ARHGAP12: variants seen among roughly 807,000 people sequenced by gnomAD.
The protein encoded by ARHGAP12 is Rho GTPase activating protein 12.
ARHGAP12 carries 64 observed loss-of-function variants against 108.6 expected under a neutral mutation model. The observed-to-expected ratio is 0.59, with a 90% CI of 0.48 to 0.73. ARHGAP12 has a LOEUF of 0.73. Ranked by LOEUF, ARHGAP12 falls within the 30% of genes least tolerant of loss-of-function variation. ARHGAP12 has a pLI of 0.00. For synonymous variants in ARHGAP12, 312 were observed against 337.2 expected (o/e 0.93, Z 0.82); for missense variants, 940 against 1,005.9 (o/e 0.93, Z 0.89).
At chr10:31,860,635 C>T (rs1258635619) in intron 4 of ARHGAP12, among the ~76,000 whole-genome samples, 1 of 152,006 alleles carries the variant, frequency 6.6e-6, no homozygotes, top group Non-Finnish European at 1.5e-5. Flanking sequence ...TAATTATTTC[C>T]CTCATATATA....
intron 3 of ARHGAP12, among the ~76,000 whole-genome samples, chr10:31,864,297 C>CA (rs1004453645): frequency 6.6e-6 from 1 of 151,738 alleles, no homozygotes; most frequent in Non-Finnish European, 1.5e-5. Context: ...ATATAACAAC[C>CA]AAAAAATCTC....
chr10:31,878,323 C>T (rs779698326), intron 3 of ARHGAP12, among the ~76,000 whole-genome samples: 11 of 152,178 alleles, frequency 7.2e-5, no homozygotes, highest in Non-Finnish European at 1.2e-4. Context: ...ACCGTTTACA[C>T]AGATTTTCAA....
intron 1 of ARHGAP12, among the ~76,000 whole-genome samples, chr10:31,915,928 A>C (rs944579905): frequency 2.3e-4 from 35 of 152,180 alleles, no homozygotes; most frequent in African/African-American, 7.5e-4. Flanking sequence ...TTACTTAAAA[A>C]CATAAGCTGT....
intron 1 of ARHGAP12, among the ~76,000 whole-genome samples, chr10:31,915,152 CG>C (rs2132476236): frequency 6.6e-6 from 1 of 152,188 alleles, no homozygotes; most frequent in South Asian, 2.1e-4. Flanking sequence ...TTTGGGAGAC[CG>C]GGGCGTGCAG....
chr10:31,917,023 T>C (rs1279308868), intron 1 of ARHGAP12, among the ~76,000 whole-genome samples: 4 of 152,356 alleles, frequency 2.6e-5, no homozygotes, highest in Non-Finnish European at 4.4e-5. Flanking sequence ...TAATATAGCT[T>C]CAAACATATA....
chr10:31,813,010 A>G (rs904159215), intron 14 of ARHGAP12, among the ~76,000 whole-genome samples, 187 bp from the exon 15 acceptor site: 3 of 152,164 alleles, frequency 2.0e-5, no homozygotes, highest in African/African-American at 7.2e-5. Context: ...CCCCATTTCA[A>G]AGTTATAAAC....
At chr10:31,912,023 C>G (rs568474159) in intron 1 of ARHGAP12, among the ~76,000 whole-genome samples, 1 of 152,320 alleles carries the variant, frequency 6.6e-6, no homozygotes, top group African/African-American at 2.4e-5. Context: ...GCCAAATATG[C>G]TCACCCCATG....
At chr10:31,898,197 A>G (rs943612501) in intron 3 of ARHGAP12, among the ~76,000 whole-genome samples, 1 of 152,168 alleles carries the variant, frequency 6.6e-6, no homozygotes, top group Non-Finnish European at 1.5e-5. Flanking sequence ...TACCTAAACT[A>G]TATAACGAAT....
intron 3 of ARHGAP12, among the ~76,000 whole-genome samples, chr10:31,907,257 G>A (rs761978663): frequency 2.6e-5 from 4 of 151,664 alleles, no homozygotes; most frequent in African/African-American, 7.3e-5. Context: ...TCAATTTCAC[G>A]TATGTACTTT....
intron 12 of ARHGAP12, among the ~76,000 whole-genome samples, chr10:31,819,335 T>C (rs1451561378): frequency 6.6e-6 from 1 of 152,072 alleles, no homozygotes; most frequent in Non-Finnish European, 1.5e-5. Context: ...CCAATCTGTC[T>C]ACACAACACA....
chr10:31,861,990 T>G (rs750906321), intron 3 of ARHGAP12, among the ~76,000 whole-genome samples: 2 of 152,206 alleles, frequency 1.3e-5, no homozygotes, highest in Non-Finnish European at 2.9e-5. Flanking sequence ...TCTTTGAAAG[T>G]GAAATTTTTT....
At chr10:31,905,561 A>C (rs1466035638) in intron 3 of ARHGAP12, among the ~76,000 whole-genome samples, 2 of 152,192 alleles carry the variant, frequency 1.3e-5, no homozygotes, top group African/African-American at 4.8e-5. Context: ...TCGCCGATAA[A>C]GGTAAAGGAA....
chr10:31,862,036 A>T (rs1474669046), intron 3 of ARHGAP12, among the ~76,000 whole-genome samples: 2 of 152,202 alleles, frequency 1.3e-5, no homozygotes, highest in African/African-American at 4.8e-5. Context: ...TAAACCACCA[A>T]GGTCTTTTTT....
intron 4 of ARHGAP12, among the ~76,000 whole-genome samples, chr10:31,857,298 G>A (rs1035839808): frequency 4.3e-4 from 65 of 151,994 alleles, no homozygotes; most frequent in African/African-American, 1.5e-3. Flanking sequence ...TAGTGATATC[G>A]GGAAACTCCC....
At chr10:31,889,181 C>T (rs182949303) in intron 3 of ARHGAP12, among the ~76,000 whole-genome samples, 6 of 152,168 alleles carry the variant, frequency 3.9e-5, no homozygotes, top group East Asian at 1.9e-4. Flanking sequence ...CAAAGTGCAG[C>T]GATTACAGAC....
chr10:31,854,255 T>C (rs1836804915), intron 4 of ARHGAP12, 49 bp from the exon 5 acceptor site: 1 of 1,477,716 alleles, frequency 6.8e-7, no homozygotes, highest in Non-Finnish European at 9.1e-7. Flanking sequence ...AATATAAATA[T>C]GAATTGGTTG....
intron 11 of ARHGAP12, among the ~76,000 whole-genome samples, chr10:31,823,017 T>C (rs1359264826): frequency 3.9e-5 from 6 of 152,004 alleles, no homozygotes; most frequent in Non-Finnish European, 8.8e-5. Context: ...TAACTACCAA[T>C]ATTTATGGGT....
At chr10:31,881,743 C>T (rs1837964149) in intron 3 of ARHGAP12, among the ~76,000 whole-genome samples, 1 of 152,134 alleles carries the variant, frequency 6.6e-6, no homozygotes, top group African/African-American at 2.4e-5. Context: ...CTACCAAATA[C>T]TACAAGTATT....
chr10:31,926,371 T>G (rs751645275), intron 1 of ARHGAP12, among the ~76,000 whole-genome samples: 3 of 150,184 alleles, frequency 2.0e-5, no homozygotes, highest in South Asian at 4.2e-4. Context: ...AGTGGCCCAA[T>G]AGGTTCCTCA....
Sources: gnomAD v4.1 joint callset for allele counts (sites outside exome capture counted in the v4.1 genomes callset) on GRCh38, gnomAD v4.1.1 for gene constraint, MANE v1.5 for transcripts, NCBI Gene and HGNC (gene_info 2026-07-23, HGNC 2026-07-21) for gene names.